Variants in TTYH1 observed in about 807,000 individuals in gnomAD.
TTYH1 encodes the protein protein tweety homolog 1.
A neutral mutation model predicts 61.2 loss-of-function variants in TTYH1; 33 were observed. The observed-to-expected ratio is 0.54, with a 90% CI of 0.41 to 0.72. The LOEUF (loss-of-function observed/expected upper bound fraction) is 0.72. Ranked by LOEUF, TTYH1 falls within the 30% of genes least tolerant of loss-of-function variation. The pLI is 0.00. For synonymous variants in TTYH1, 308 were observed against 266.4 expected (o/e 1.16, Z -1.52); for missense variants, 538 against 575.8 (o/e 0.93, Z 0.67).
In TTYH1 at chr19:54,415,827, C is replaced by A; in HGVS notation, c.126+149C>A. On this transcript the variant is annotated intron_variant, in intron 1 of 13. Coordinates refer to ENST00000376530, the MANE Select transcript of TTYH1 (RefSeq NM_020659.4). This position sits in a 1 kb window ranked among gnomAD's most constrained non-coding sequence, Gnocchi z 5.2. ...TTTGGGGTTTCGGAGGGAGGAGGAG[C>A]CTGGGGGCGCCCATGCCTGGAGGTT... The A allele has an allele frequency of 4.1e-6, 4 of 970,780 alleles. No individual in the cohort carries two copies. Among genetic ancestry groups the A allele is most frequent in the South Asian group, 4.0e-5 (2 of 50,586 alleles). 60.1% of individuals were successfully genotyped at this position (970,780 alleles called of 1,614,324 possible). A position where few individuals can be genotyped will look rare whatever the true frequency, so the allele number is the denominator to read the frequency against.
chr19:54,425,669 C>G (rs147977065), intron 4 of TTYH1, among the ~76,000 whole-genome samples: 32 of 152,054 alleles, frequency 2.1e-4, no homozygotes, highest in African/African-American at 7.5e-4. Context: ...CTTGCACCTC[C>G]TGAATCATGG....
In TTYH1 at chr19:54,436,006, G is replaced by A; in HGVS notation, c.1315-85G>A. The A allele has an allele frequency of 2.5e-6, 4 of 1,576,826 alleles. No homozygotes were observed. In the South Asian group the frequency reaches 3.3e-5, roughly 13 times the overall value. ...CTGGGGCCCGGACTCCTGGGTCTGA[G>A]GGAGGAGGGGCTGGGGTCCCACAGT... On this transcript the variant is annotated intron_variant, in intron 12 of 13. Transcript: ENST00000376530. This position sits in a 1 kb window ranked among gnomAD's most constrained non-coding sequence, Gnocchi z 4.3.
intron 4 of TTYH1, chr19:54,426,430 G>A (rs1372169470): frequency 3.0e-5 from 17 of 571,022 alleles, no homozygotes; most frequent in South Asian, 3.0e-4. Context: ...CCGGCCAGGG[G>A]ATAGTCCCAG....
At chr19:54,428,049 C>T (rs1292740212) in intron 5 of TTYH1, among the ~76,000 whole-genome samples, 1 of 150,582 alleles carries the variant, frequency 6.6e-6, no homozygotes, top group African/African-American at 2.5e-5. Flanking sequence ...GTAGCTGGGA[C>T]CATGGGCTTA....
At chr19:54,418,905 C>T (rs1013916152) in intron 1 of TTYH1, among the ~76,000 whole-genome samples, 1 of 152,208 alleles carries the variant, frequency 6.6e-6, no homozygotes, top group Non-Finnish European at 1.5e-5. Context: ...AGGCTTGGGG[C>T]CCCCAGTTGG....
Position 54,419,620 on chromosome 19 carries a change from G to A in TTYH1, c.305+314G>A. Reference sequence around the variant, plus strand: ...GAATAGCTGTGTGACCTAAGGGAGTGATAGTCTCCCTGGGCCTCAATTTCC... The same window carrying A: ...GAATAGCTGTGTGACCTAAGGGAGTAATAGTCTCCCTGGGCCTCAATTTCC... On this transcript the variant is annotated intron_variant, in intron 2 of 13. Transcript: ENST00000376530. The surrounding 1 kb of genome is among the most constrained non-coding windows in gnomAD (Gnocchi z 6.1). 1.6e-6 allele frequency: 1 copy of A among 623,144 alleles called. No individual in the cohort carries two copies. Among genetic ancestry groups the A allele is most frequent in the Admixed American group, 2.1e-5 (1 of 47,508 alleles). The allele number at this position is 623,144 out of a possible 1,614,324, so 38.6% of individuals were successfully genotyped here.
At position 54,416,503 on chromosome 19, in the gene TTYH1, G is replaced by GA; in HGVS notation, c.126+826dup. 4 of 305,982 alleles carry GA rather than the reference G, an allele frequency of 1.3e-5. No individual in the cohort carries two copies. Among genetic ancestry groups the GA allele is most frequent in the South Asian group, 1.0e-4 (4 of 39,710 alleles). The allele number at this position is 305,982 out of a possible 1,614,324, so 19.0% of individuals were successfully genotyped here. On this transcript the variant is annotated intron_variant, in intron 1 of 13. Transcript: ENST00000376530. The surrounding 1 kb of genome is among the most constrained non-coding windows in gnomAD (Gnocchi z 7.0). ...AGGAGAAAGGCTTGGCTGAGCTGGG[G>GA]ACGGGTGGGGGTGCTGGGAGTCCCG...
At position 54,419,406 on chromosome 19, in the gene TTYH1, C is replaced by T. The variant is rs2083161594; in HGVS notation, c.305+100C>T. On this transcript the variant is annotated intron_variant, in intron 2 of 13. Coordinates refer to ENST00000376530, the MANE Select transcript of TTYH1 (RefSeq NM_020659.4). The surrounding 1 kb of genome is among the most constrained non-coding windows in gnomAD (Gnocchi z 6.1). ...CCTCCGGGGACATGGAGGAAGCAGA[C>T]AGGAAGGAGGAAACTCCCTCGTCCC... The T allele has an allele frequency of 3.8e-6, 5 of 1,298,836 alleles. No individual in the cohort carries two copies. Among genetic ancestry groups the T allele is most frequent in the Non-Finnish European group, 5.4e-6 (5 of 929,654 alleles). 80.5% of individuals were successfully genotyped at this position (1,298,836 alleles called of 1,614,324 possible). A position where few individuals can be genotyped will look rare whatever the true frequency, so the allele number is the denominator to read the frequency against.
At position 54,415,635 on chromosome 19, in the gene TTYH1, C is replaced by T; in HGVS notation, c.83C>T (p.Pro28Leu). The T allele has an allele frequency of 1.3e-6, 2 of 1,566,152 alleles. No individual in the cohort carries two copies. The highest frequency in any genetic ancestry group is 1.4e-5 in the African/African-American group (1 of 73,478). ...QLPRADFQLR[P>L]VPSVFAPQEQ... is the part of the protein sequence containing the mutation. Reference sequence around the variant, plus strand: ...CCCCGCGCCGACTTCCAGCTCCGCCCGGTGCCCAGCGTTTTCGCGCCCCAA... The same window carrying T: ...CCCCGCGCCGACTTCCAGCTCCGCCTGGTGCCCAGCGTTTTCGCGCCCCAA... Residue 28 changes from proline to leucine, a missense_variant, in exon 1 of 14, where the codon CCG (proline) becomes CTG (leucine). Physicochemically the swap from Pro to Leu is moderately conservative, Grantham distance 98. Around this residue, in one of 3 missense-constraint regions of TTYH1, gnomAD observed 157 missense variants for 157.0 expected, o/e 1.00. Transcript: ENST00000376530. The surrounding 1 kb of genome is among the most constrained non-coding windows in gnomAD (Gnocchi z 5.2).
rs768578168 is a variant in TTYH1 at position 54,422,312 on chromosome 19, G to C, written c.540G>C (p.Glu180Asp). ...CCCGAGGGGCTCGACGGCAGGCGGA[G>C]GCTGCGGCCCAGCAGCTGCAGGGGC... is the stretch of plus-strand genomic sequence containing the variant. ...AAARGARRQAEAAAQQLQGLA... is the reference protein window; with the variant it reads ...AAARGARRQADAAAQQLQGLA... The change falls in exon 4 of 14, where the codon GAG (glutamate) becomes GAC (aspartate). Residue 180 changes from glutamate to aspartate, a missense_variant. Physicochemically the swap from Glu to Asp is conservative, Grantham distance 45. This residue lies in a region of TTYH1 where 378 missense variants were observed against 401.2 expected (regional missense o/e 0.94). Coordinates refer to ENST00000376530, the MANE Select transcript of TTYH1 (RefSeq NM_020659.4). 1.9e-6 allele frequency: 3 copies of C among 1,565,040 alleles called. No homozygotes were observed. The highest frequency in any genetic ancestry group is 2.6e-6 in the Non-Finnish European group (3 of 1,156,112).
intron 5 of TTYH1, among the ~76,000 whole-genome samples, chr19:54,428,055 G>T (rs1024633031): frequency 1.4e-5 from 2 of 147,174 alleles, no homozygotes; most frequent in African/African-American, 2.5e-5. Flanking sequence ...GGGACCATGG[G>T]CTTATGCCAC....
chr19:54,426,372 G>A (rs932969656), intron 4 of TTYH1: 22 of 417,142 alleles, frequency 5.3e-5, no homozygotes, highest in Non-Finnish European at 7.8e-5. Flanking sequence ...TGGGGAGCTC[G>A]GAGAGAACAC....
At chr19:54,422,914 G>A (rs2083247940) in intron 4 of TTYH1, among the ~76,000 whole-genome samples, 1 of 128,192 alleles carries the variant, frequency 7.8e-6, no homozygotes, top group Non-Finnish European at 1.6e-5. Flanking sequence ...GGGCGATAGA[G>A]TGAGACTCCA....
rs2083556766 is a variant in TTYH1 at position 54,436,542 on chromosome 19, AC to A, written c.*255del. On this transcript the variant is annotated 3_prime_UTR_variant, in exon 14 of 14. Transcript: ENST00000376530. The surrounding 1 kb of genome is among the most constrained non-coding windows in gnomAD (Gnocchi z 4.3). ...GAGGGGGCAGACAGCCTCGCCTCGC[AC>A]CCTTCATCCCTGGCTGCCGGTCCCA... The A allele has an allele frequency of 1.4e-6, 1 of 696,958 alleles. No homozygotes were observed. The highest frequency in any genetic ancestry group is 2.5e-6 in the Non-Finnish European group (1 of 405,434). The allele number at this position is 696,958 out of a possible 1,614,324, so 43.2% of individuals were successfully genotyped here.
At position 54,415,899 on chromosome 19, in the gene TTYH1, A is replaced by AC; in HGVS notation, c.126+221_126+222insC. ...GTCCAGACCTCGAGCTCTCTAAATA[A>AC]GGGAAGGCTGGGGACCTGCACCCCT... On this transcript the variant is annotated intron_variant, in intron 1 of 13. Transcript: ENST00000376530. This position sits in a 1 kb window ranked among gnomAD's most constrained non-coding sequence, Gnocchi z 5.2. 1.3e-6 allele frequency: 1 copy of AC among 779,092 alleles called. No homozygotes were observed. The highest frequency in any genetic ancestry group is 2.0e-6 in the Non-Finnish European group (1 of 510,806). The allele number at this position is 779,092 out of a possible 1,614,324, so 48.3% of individuals were successfully genotyped here.
At chr19:54,430,949 A>C in intron 9 of TTYH1, 44 bp downstream of exon 9, 6 of 1,553,808 alleles carry the variant, frequency 3.9e-6, no homozygotes, top group Non-Finnish European at 5.2e-6. Flanking sequence ...CCCACGGGGA[A>C]GGCGGACGGG....
In TTYH1 at chr19:54,419,862, T is replaced by TA. The variant is rs2083170799; in HGVS notation, c.305+557dup. 6.6e-6 allele frequency among the ~76,000 whole-genome samples: 1 copy of TA among 152,168 alleles called. No individual in the cohort carries two copies. The stretch of plus-strand genomic sequence containing the variant: ...CAGGCAAGGAGCCCCTCGTGCAGCT[T>TA]ATGTTCTAATCAGGGAGACGGACGA... On this transcript the variant is annotated intron_variant, in intron 2 of 13. Transcript: ENST00000376530. The surrounding 1 kb of genome is among the most constrained non-coding windows in gnomAD (Gnocchi z 6.1).
At position 54,421,935 on chromosome 19, in the gene TTYH1, C is replaced by T. The variant is rs1185898766; in HGVS notation, c.418-255C>T. 6.6e-6 allele frequency among the ~76,000 whole-genome samples: 1 copy of T among 152,106 alleles called. No individual in the cohort carries two copies. The highest frequency in any genetic ancestry group is 1.5e-5 in the Non-Finnish European group (1 of 68,014). On this transcript the variant is annotated intron_variant, in intron 3 of 13. Coordinates refer to ENST00000376530, the MANE Select transcript of TTYH1 (RefSeq NM_020659.4). The surrounding 1 kb of genome is among the most constrained non-coding windows in gnomAD (Gnocchi z 4.8). ...CTAAAGCTCCACACTTAATCTCAGT[C>T]CTGGGGCTGGACTTACTACCCTGGG...
rs1599919897 is a variant in TTYH1 at position 54,434,121 on chromosome 19, T to C, written c.1126-1421T>C. ...TTCTGTTGGCCCTTCCTCTGAAACC[T>C]ATATGGACTCCCACCGCTGTTCCTA... On this transcript the variant is annotated intron_variant, in intron 10 of 13. Coordinates refer to ENST00000376530, the MANE Select transcript of TTYH1 (RefSeq NM_020659.4). The surrounding 1 kb of genome is among the most constrained non-coding windows in gnomAD (Gnocchi z 4.3). 1 of 152,168 alleles carries C rather than the reference T, an allele frequency of 6.6e-6. No homozygotes were observed. Among genetic ancestry groups the C allele is most frequent in the South Asian group, 2.1e-4 (1 of 4,814 alleles). 9.4% of individuals were successfully genotyped at this position (152,168 alleles called of 1,614,324 possible). A position where few individuals can be genotyped will look rare whatever the true frequency, so the allele number is the denominator to read the frequency against.
Sources: gnomAD v4.1 joint callset for allele counts (sites outside exome capture counted in the v4.1 genomes callset) on GRCh38, gnomAD v4.1.1 for gene constraint, gnomAD v4.1.1 regional missense constraint, Gnocchi (gnomAD v3.1) non-coding constraint, MANE v1.5 for transcripts, NCBI Gene and HGNC (gene_info 2026-07-23, HGNC 2026-07-21) for gene names.